GRM7: variants seen among roughly 807,000 people sequenced by gnomAD.
GRM7 encodes glutamate metabotropic receptor 7.
GRM7 carries 35 observed loss-of-function variants against 84.5 expected under a neutral mutation model. That is an observed-to-expected ratio of 0.41 (90% confidence interval 0.32 to 0.55). GRM7 has a LOEUF of 0.55. Ranked by LOEUF, GRM7 falls within the 20% of genes least tolerant of loss-of-function variation. The probability of loss-of-function intolerance (pLI) is 0.19; values close to 1 mark genes in which losing one functional copy is unlikely to be tolerated. For missense variants in GRM7, 1,003 were observed against 1,194.6 expected, an observed-to-expected ratio of 0.84 and a Z score of 2.36; for synonymous variants, 487 against 455.1, an observed-to-expected ratio of 1.07 and a Z score of -0.89.
intron 2 of GRM7, among the ~76,000 whole-genome samples, chr3:7,204,232 G>A (rs989959772): frequency 1.3e-5 from 2 of 152,156 alleles, no homozygotes; most frequent in Non-Finnish European, 1.5e-5. Flanking sequence ...AATGGTTGTG[G>A]GAAATCTAGG....
At chr3:6,994,601 G>A (rs912712532) in intron 1 of GRM7, among the ~76,000 whole-genome samples, 7 of 152,146 alleles carry the variant, frequency 4.6e-5, no homozygotes, top group African/African-American at 1.7e-4. Flanking sequence ...TTAAAAGAAC[G>A]TTGGTCAGAT....
intron 1 of GRM7, among the ~76,000 whole-genome samples, chr3:6,991,844 TAC>T (rs998149496): frequency 6.6e-6 from 1 of 152,206 alleles, no homozygotes; most frequent in African/African-American, 2.4e-5. Context: ...AATTATTAAT[TAC>T]AGTCACTATG....
chr3:7,505,088 A>C (rs1480347145), intron 7 of GRM7, among the ~76,000 whole-genome samples: 1 of 152,234 alleles, frequency 6.6e-6, no homozygotes, highest in Middle Eastern at 3.2e-3. Flanking sequence ...AAAGGAAGCA[A>C]GAAAAAAGGC....
intron 1 of GRM7, among the ~76,000 whole-genome samples, chr3:7,127,022 A>C (rs1693425475): frequency 6.6e-6 from 1 of 152,274 alleles, no homozygotes; most frequent in Non-Finnish European, 1.5e-5. Flanking sequence ...AGTGGCCAGA[A>C]TCATGAGCTC....
intron 8 of GRM7, among the ~76,000 whole-genome samples, chr3:7,612,015 G>A (rs571882594): frequency 6.6e-6 from 1 of 152,202 alleles, no homozygotes; most frequent in Admixed American, 6.5e-5. Context: ...TTACCTTGAG[G>A]TCCTTTAACC....
chr3:7,126,480 A>C (rs1693404862), intron 1 of GRM7, among the ~76,000 whole-genome samples: 1 of 152,194 alleles, frequency 6.6e-6, no homozygotes. Flanking sequence ...AGGTTTGTCA[A>C]CTTCCATGGG....
intron 1 of GRM7, chr3:6,956,583 C>A (rs1368356461): frequency 2.2e-6 from 1 of 456,690 alleles, no homozygotes; most frequent in South Asian, 1.5e-5. Flanking sequence ...GCCCTTCTAT[C>A]CTGTCTCAGT....
chr3:7,181,904 C>T (rs949429614), intron 2 of GRM7, among the ~76,000 whole-genome samples: 14 of 152,206 alleles, frequency 9.2e-5, no homozygotes, highest in African/African-American at 3.4e-4. Flanking sequence ...AGCCACCTCT[C>T]TCAGCTAAAA....
At chr3:6,982,160 C>T (rs1242094051) in intron 1 of GRM7, among the ~76,000 whole-genome samples, 1 of 152,158 alleles carries the variant, frequency 6.6e-6, no homozygotes, top group African/African-American at 2.4e-5. Context: ...ATAGCTTCAG[C>T]TGGAGGTCAT....
intron 7 of GRM7, among the ~76,000 whole-genome samples, chr3:7,521,237 C>T (rs929963367): frequency 2.0e-4 from 31 of 152,300 alleles, no homozygotes; most frequent in African/African-American, 7.2e-4. Flanking sequence ...GTTCCCAGTG[C>T]CTTCGATGTT....
intron 3 of GRM7, among the ~76,000 whole-genome samples, chr3:7,299,697 TTATC>T (rs1407785139): frequency 6.6e-6 from 1 of 151,984 alleles, no homozygotes; most frequent in African/African-American, 2.4e-5. Context: ...AGCATTTTAT[TTATC>T]ATTTTATCAT....
At chr3:6,958,635 G>A (rs1272225676) in intron 1 of GRM7, among the ~76,000 whole-genome samples, 7 of 151,990 alleles carry the variant, frequency 4.6e-5, no homozygotes, top group East Asian at 1.9e-4. Flanking sequence ...TTACATAACC[G>A]ATGTCTGACA....
At chr3:6,962,142 T>C (rs181559626) in intron 1 of GRM7, among the ~76,000 whole-genome samples, 3 of 152,356 alleles carry the variant, frequency 2.0e-5, no homozygotes, top group African/African-American at 7.2e-5. Context: ...ATGAGCTAGA[T>C]CTCCCTTAGC....
At chr3:7,738,279 T>C (rs1250824868) in intron 9 of GRM7, among the ~76,000 whole-genome samples, 1 of 152,118 alleles carries the variant, frequency 6.6e-6, no homozygotes, top group Admixed American at 6.5e-5. Context: ...CTTCCTATTA[T>C]AGCATGGAGA....
chr3:6,907,396 A>T (rs1044279490), intron 1 of GRM7, among the ~76,000 whole-genome samples: 9 of 152,236 alleles, frequency 5.9e-5, no homozygotes, highest in Non-Finnish European at 7.3e-5. Flanking sequence ...TTAAAGGGTT[A>T]TGCTGAACAA....
intron 1 of GRM7, chr3:6,892,534 A>C (rs777182373): frequency 4.6e-5 from 7 of 152,134 alleles, no homozygotes; most frequent in Non-Finnish European, 8.8e-5. Context: ...ATCCACCTAC[A>C]TATCCAGGAA....
At chr3:7,590,779 C>G (rs1476711975) in intron 8 of GRM7, among the ~76,000 whole-genome samples, 2 of 152,146 alleles carry the variant, frequency 1.3e-5, no homozygotes, top group African/African-American at 4.8e-5. Flanking sequence ...TTCCTTAACT[C>G]TCCTCTACCC....
intron 2 of GRM7, among the ~76,000 whole-genome samples, chr3:7,185,354 T>C (rs1020292711): frequency 1.3e-5 from 2 of 152,124 alleles, no homozygotes; most frequent in South Asian, 2.1e-4. Flanking sequence ...TTATTTATTA[T>C]CTATTATTAT....
chr3:7,514,003 G>A (rs893124951), intron 7 of GRM7, among the ~76,000 whole-genome samples: 3 of 152,228 alleles, frequency 2.0e-5, no homozygotes, highest in African/African-American at 7.2e-5. Context: ...ACTACTAACT[G>A]TGTGTACCTT....
Sources: gnomAD v4.1 joint callset for allele counts (sites outside exome capture counted in the v4.1 genomes callset) on GRCh38, gnomAD v4.1.1 for gene constraint, MANE v1.5 for transcripts, NCBI Gene and HGNC (gene_info 2026-07-23, HGNC 2026-07-21) for gene names.